The following EDAR variants were observed in gnomAD, a reference collection of about 807,000 sequenced individuals.
EDAR encodes tumor necrosis factor receptor superfamily member EDAR.
Under a neutral mutation model 51.3 loss-of-function variants are expected in EDAR, and 38 were observed. The ratio of observed to expected loss-of-function variants is 0.74; its 90% CI spans 0.57 to 0.97. The LOEUF (loss-of-function observed/expected upper bound fraction) is 0.97. Among genes scored for constraint, EDAR ranks in the 50% least tolerant of loss-of-function variants. EDAR has a pLI of 0.00. For synonymous variants in EDAR, 227 were observed against 242.1 expected, an observed-to-expected ratio of 0.94 and a Z score of 0.58; for missense variants, 528 against 595.0, an observed-to-expected ratio of 0.89 and a Z score of 1.17.
chr2:108,910,393 G>A (rs972681463), intron 9 of EDAR, 67 bp downstream of exon 9: 3 of 1,335,364 alleles, frequency 2.2e-6, no homozygotes, highest in Admixed American at 1.8e-5. Flanking sequence ...GCTGCACCCT[G>A]GTTCCCCTCC....
chr2:108,965,889 C>T (rs1160657546), intron 1 of EDAR, among the ~76,000 whole-genome samples: 2 of 152,026 alleles, frequency 1.3e-5, no homozygotes, highest in African/African-American at 2.4e-5. Flanking sequence ...CCCTCTCCCC[C>T]CAGGCAAAGA....
At chr2:108,980,878 G>A (rs11123720) in intron 1 of EDAR, among the ~76,000 whole-genome samples, 63,160 of 152,004 alleles carry the variant, frequency 0.42, 16,945 homozygotes, top group South Asian at 0.63. Flanking sequence ...ACCAACCCCC[G>A]TGTAGCTGCC....
intron 1 of EDAR, among the ~76,000 whole-genome samples, chr2:108,954,949 G>C (rs988265610): frequency 6.6e-6 from 1 of 152,242 alleles, no homozygotes; most frequent in South Asian, 2.1e-4. Flanking sequence ...CTCCCAAAGT[G>C]CTGGGATTAC....
intron 1 of EDAR, among the ~76,000 whole-genome samples, chr2:108,940,868 C>G (rs1574394092): frequency 1.3e-5 from 2 of 152,196 alleles, no homozygotes; most frequent in African/African-American, 4.8e-5. Flanking sequence ...AGTTTTAAAA[C>G]TAATCACGTT....
chr2:108,942,165 G>T (rs73952566), intron 1 of EDAR, among the ~76,000 whole-genome samples: 2,356 of 152,288 alleles, frequency 0.015, 23 homozygotes, highest in South Asian at 0.03. Context: ...AGCGCCAGAC[G>T]TGTCACTAAA....
intron 1 of EDAR, among the ~76,000 whole-genome samples, chr2:108,955,805 C>T (rs1697911477): frequency 6.6e-6 from 1 of 152,026 alleles, no homozygotes; most frequent in Non-Finnish European, 1.5e-5. Context: ...GGCGGGCAGA[C>T]CACAAGGTCA....
Position 108,907,881 on chromosome 2 carries a change from G to A in EDAR, c.942C>T (p.Ala314=), listed in dbSNP as rs1696841240. 1 of 1,613,464 alleles carries A rather than the reference G, an allele frequency of 6.2e-7. No homozygotes were observed. Among genetic ancestry groups the A allele is most frequent in the Non-Finnish European group, 8.5e-7 (1 of 1,180,040 alleles). The part of the protein sequence containing the change: ...SLVHLAREKS[A]TSNKSAGIQS... ...TCACCCCGGCTGACTTGTTGCTGGT[G>A]GCAGACTTCTCCCTGGCCAGGTGAA... is the stretch of plus-strand genomic sequence containing the variant. Residue 314 remains alanine, a synonymous_variant, in exon 10 of 12, where the codon GCC becomes GCT. Coordinates refer to ENST00000258443, the MANE Select transcript of EDAR (RefSeq NM_022336.4).
chr2:108,917,140 G>A lies in EDAR; in HGVS notation c.443-4376C>T, dbSNP rs568034164. 4.8e-4 allele frequency among the ~76,000 whole-genome samples: 73 copies of A among 152,324 alleles called. 1 individual carries two copies. Among genetic ancestry groups the A allele is most frequent in the Middle Eastern group, 3.4e-3 (1 of 294 alleles). On this transcript the variant is annotated intron_variant, in intron 5 of 11. Transcript: ENST00000258443. Reference sequence around the variant, plus strand: ...TTTTCAGAGTCACAGCTCCGTGGCCGACAGGCGAGGGAAGGTGCTTGTGGC... The same window carrying A: ...TTTTCAGAGTCACAGCTCCGTGGCCAACAGGCGAGGGAAGGTGCTTGTGGC...
At chr2:108,985,585 G>A (rs1558848669) in intron 1 of EDAR, among the ~76,000 whole-genome samples, 1 of 152,214 alleles carries the variant, frequency 6.6e-6, no homozygotes, top group African/African-American at 2.4e-5. Flanking sequence ...TTTCCAGAGT[G>A]TGTCTGGGCA....
At chr2:108,920,309 G>T (rs1404977662) in intron 5 of EDAR, among the ~76,000 whole-genome samples, 4 of 152,156 alleles carry the variant, frequency 2.6e-5, no homozygotes, top group African/African-American at 4.8e-5. Context: ...TTTCCCAGGG[G>T]TGATAACTTG....
At chr2:108,919,108 A>G (rs1488960787) in intron 5 of EDAR, among the ~76,000 whole-genome samples, 1 of 152,178 alleles carries the variant, frequency 6.6e-6, no homozygotes, top group Non-Finnish European at 1.5e-5. Flanking sequence ...GCTCTGAGCC[A>G]GGAGCAACTG....
chr2:108,981,527 A>C (rs1031513397), intron 1 of EDAR, among the ~76,000 whole-genome samples: 2 of 151,988 alleles, frequency 1.3e-5, no homozygotes, highest in Non-Finnish European at 2.9e-5. Flanking sequence ...CCCAAACAAC[A>C]CCTGTCCAGG....
intron 1 of EDAR, among the ~76,000 whole-genome samples, chr2:108,935,894 T>C (rs891069825): frequency 6.6e-6 from 1 of 152,142 alleles, no homozygotes; most frequent in Non-Finnish European, 1.5e-5. Context: ...CTAGACTCAG[T>C]CTCCTCTCTG....
chr2:108,955,974 A>G (rs1574403304), intron 1 of EDAR, among the ~76,000 whole-genome samples: 1 of 152,344 alleles, frequency 6.6e-6, no homozygotes, highest in East Asian at 1.9e-4. Context: ...GCTTGCAGTG[A>G]GCCGAGATGG....
intron 1 of EDAR, among the ~76,000 whole-genome samples, chr2:108,972,050 C>T (rs374307452): frequency 2.0e-5 from 3 of 152,292 alleles, no homozygotes; most frequent in East Asian, 3.9e-4. Flanking sequence ...TGGCCTGGCC[C>T]GCAGATGTTG....
chr2:108,964,738 A>G (rs751546871), intron 1 of EDAR, among the ~76,000 whole-genome samples: 2 of 152,212 alleles, frequency 1.3e-5, no homozygotes, highest in Non-Finnish European at 2.9e-5. Context: ...CGCCACACTC[A>G]GTGCTCACTA....
chr2:108,913,055 TCTC>T (rs1037894385), intron 5 of EDAR, among the ~76,000 whole-genome samples: 1 of 151,728 alleles, frequency 6.6e-6, no homozygotes, highest in African/African-American at 2.4e-5. Flanking sequence ...TTGACGCCAT[TCTC>T]CTGTCTCAGC....
chr2:108,921,486 A>G (rs949210892), intron 5 of EDAR, among the ~76,000 whole-genome samples: 1 of 152,194 alleles, frequency 6.6e-6, no homozygotes, highest in Non-Finnish European at 1.5e-5. Flanking sequence ...CTTGACCACA[A>G]CTGTGGGTTT....
chr2:108,970,505 C>T lies in EDAR; in HGVS notation c.-19+18455G>A, dbSNP rs138287292. On this transcript the variant is annotated intron_variant, in intron 1 of 11. Coordinates refer to ENST00000258443, the MANE Select transcript of EDAR (RefSeq NM_022336.4). ...GGGCAGGACACTGAGTGGAGATGGTCTGGGAGCTGGGGCCTCTGGACGGTG... is the reference window on the plus strand; with the variant it reads ...GGGCAGGACACTGAGTGGAGATGGTTTGGGAGCTGGGGCCTCTGGACGGTG... Among the ~76,000 whole-genome samples, 121 of 152,134 alleles carry T rather than the reference C, an allele frequency of 8.0e-4. 2 individuals are homozygous for T. In the East Asian group the frequency reaches 0.014, roughly 17 times the overall value.
Sources: allele counts gnomAD v4.1 joint callset (sites outside exome capture counted in the v4.1 genomes callset), GRCh38; gene constraint gnomAD v4.1.1; transcripts MANE v1.5; gene names NCBI Gene and HGNC (gene_info 2026-07-23, HGNC 2026-07-21).